The following ANKFN1 variants were observed in gnomAD, a reference collection of about 807,000 sequenced individuals.
The protein encoded by ANKFN1 is ankyrin repeat and fibronectin type-III domain-containing protein 1.
In ANKFN1, 74 loss-of-function variants were observed where a neutral mutation model predicts 108.7. The ratio of observed to expected loss-of-function variants is 0.68; its 90% confidence interval spans 0.56 to 0.83. The LOEUF is 0.83. Ranked by LOEUF, ANKFN1 falls within the 40% of genes least tolerant of loss-of-function variation. The pLI, the probability that ANKFN1 is intolerant of heterozygous loss-of-function variation, is 0.00. For synonymous variants in ANKFN1, 547 were observed against 516.2 expected (o/e 1.06, Z -0.81); for missense variants, 1,505 against 1,382.3 (o/e 1.09, Z -1.41).
At position 56,055,566 on chromosome 17, in the gene ANKFN1, C is replaced by CACATATATATAT. The variant is rs1555588767; in HGVS notation, c.288+9242_288+9243insCATATATATATA. Among the ~76,000 whole-genome samples the CACATATATATAT allele has an allele frequency of 2.1e-4, 10 of 47,454 alleles. 1 individual carries two copies. Among genetic ancestry groups the CACATATATATAT allele is most frequent in the African/African-American group, 1.3e-3 (10 of 7,574 alleles). The allele number at this position is 47,454 out of a possible 152,430, so 31.1% of individuals were successfully genotyped here. A position where few individuals can be genotyped will look rare whatever the true frequency, so the allele number is the denominator to read the frequency against. On this transcript the variant is annotated intron_variant, in intron 4 of 12. Coordinates refer to the ANKFN1 transcript ENST00000635860. ...TATATGTGTGTGTGTGGTATATATA[C>CACATATATATAT]ATATATATATATATATATATATGTA...
chr17:56,176,058 G>C lies in ANKFN1; in HGVS notation c.-71+22528G>C, dbSNP rs560070533. On this transcript the variant is annotated intron_variant, in intron 1 of 20. Transcript: ENST00000682825. ...GATTTTTGCAGAGTGTGACATGAAG[G>C]GGGGTACTGGGAGGGGAGGATTGTT... Among the ~76,000 whole-genome samples the C allele has an allele frequency of 2.4e-4, 36 of 152,110 alleles. 1 individual carries two copies. Among genetic ancestry groups the C allele is most frequent in the African/African-American group, 6.5e-4 (27 of 41,488 alleles).
chr17:56,170,807 T>TACACACACACACACACACACACACACAC (rs112596144), intron 1 of ANKFN1, among the ~76,000 whole-genome samples: 5 of 61,456 alleles, frequency 8.1e-5, no homozygotes, highest in Admixed American at 2.1e-4. Flanking sequence ...TATATATATA[T>TACACACACACACACACACACACACACAC]ACACACACAC....
chr17:56,316,531 T>G (rs1294989564), intron 3 of ANKFN1, among the ~76,000 whole-genome samples: 1 of 152,164 alleles, frequency 6.6e-6, no homozygotes, highest in Non-Finnish European at 1.5e-5. Context: ...TAGAGATTTA[T>G]TCATTTAGCA....
In ANKFN1 at chr17:56,513,673, C is replaced by G. The variant is rs2051838994; in HGVS notation, c.*2404C>G. On this transcript the variant is annotated 3_prime_UTR_variant, in exon 21 of 21. Transcript: ENST00000682825. ...CATTTGGTCAGTAAGTTCTGGCATACTGGACCAAAACTGCATTAATTTTAA... is the reference window on the plus strand; with the variant it reads ...CATTTGGTCAGTAAGTTCTGGCATAGTGGACCAAAACTGCATTAATTTTAA... Among the ~76,000 whole-genome samples, 6 of 152,304 alleles carry G rather than the reference C, an allele frequency of 3.9e-5. No individual in the cohort carries two copies. In the South Asian group the frequency reaches 1.0e-3, roughly 26 times the overall value.
rs564628151 is a variant in ANKFN1, at chr17:56,248,803, G to A, written c.53+20846G>A. Among the ~76,000 whole-genome samples the A allele has an allele frequency of 5.9e-5, 9 of 152,288 alleles. No individual in the cohort carries two copies. The South Asian group carries it at 1.7e-3, about 28-fold the overall frequency. ...GGTTTCCCCAGAAGCAGATCCTAGG[G>A]GAAGGATGAAAGTACATGTGGTTTA... On this transcript the variant is annotated intron_variant, in intron 3 of 20. Coordinates refer to ENST00000682825, the MANE Select transcript of ANKFN1 (RefSeq NM_001370326.1).
At chr17:56,139,532 T>C (rs1279208478) in intron 4 of ANKFN1, among the ~76,000 whole-genome samples, 2 of 152,132 alleles carry the variant, frequency 1.3e-5, no homozygotes, top group East Asian at 1.9e-4. Context: ...CAAATTTGGA[T>C]TTGAGCCCAT....
At chr17:56,294,710 G>A (rs935134948) in intron 3 of ANKFN1, among the ~76,000 whole-genome samples, 1 of 152,180 alleles carries the variant, frequency 6.6e-6, no homozygotes. Context: ...GCCCAAGTCT[G>A]GCAGAAATAG....
chr17:56,259,631 G>A (rs1190144756), intron 3 of ANKFN1, among the ~76,000 whole-genome samples: 2 of 152,088 alleles, frequency 1.3e-5, no homozygotes, highest in Non-Finnish European at 2.9e-5. Context: ...AAAAAAGAGA[G>A]TGAAGTTCAC....
At chr17:56,392,375 G>A (rs1345183004) in intron 8 of ANKFN1, among the ~76,000 whole-genome samples, 1 of 152,158 alleles carries the variant, frequency 6.6e-6, no homozygotes, top group Admixed American at 6.5e-5. Flanking sequence ...TCCTGTTCAC[G>A]ATGGCAAGCC....
intron 3 of ANKFN1, among the ~76,000 whole-genome samples, chr17:56,315,647 T>G (rs2045182475): frequency 6.6e-6 from 1 of 152,142 alleles, no homozygotes; most frequent in African/African-American, 2.4e-5. Context: ...AGAATGACAT[T>G]GAGTATTTGG....
At chr17:56,231,360 C>T (rs1916720549) in intron 3 of ANKFN1, among the ~76,000 whole-genome samples, 1 of 152,164 alleles carries the variant, frequency 6.6e-6, no homozygotes, top group South Asian at 2.1e-4. Context: ...TTCCCTATGG[C>T]TTTAATGCCC....
intron 1 of ANKFN1, among the ~76,000 whole-genome samples, chr17:56,154,850 A>T (rs1178109739): frequency 2.0e-5 from 3 of 152,156 alleles, no homozygotes. Context: ...CATGAAGTGT[A>T]GAGCTAGGAC....
intron 4 of ANKFN1, among the ~76,000 whole-genome samples, chr17:56,102,632 T>A (rs1204721816): frequency 4.9e-5 from 1 of 20,262 alleles, no homozygotes; most frequent in Non-Finnish European, 8.7e-5. Flanking sequence ...TTCCTAGCCT[T>A]TTTTTTTTTT....
chr17:56,409,983 A>T (rs998344683), intron 8 of ANKFN1, among the ~76,000 whole-genome samples: 118 of 152,216 alleles, frequency 7.8e-4, no homozygotes, highest in East Asian at 2.5e-3. Flanking sequence ...TAATTTTTTT[A>T]AAAAAACTGA....
At chr17:56,062,150 A>G (rs1904985398) in intron 4 of ANKFN1, among the ~76,000 whole-genome samples, 2 of 152,186 alleles carry the variant, frequency 1.3e-5, no homozygotes, top group African/African-American at 4.8e-5. Context: ...TTTACTTCCA[A>G]TTATGTGGTC....
Position 56,119,660 on chromosome 17 carries a change from G to A in ANKFN1, c.288+73335G>A, listed in dbSNP as rs55758028. 6.2e-3 allele frequency among the ~76,000 whole-genome samples: 949 copies of A among 152,262 alleles called. 5 individuals carry two copies. The highest frequency in any genetic ancestry group is 0.012 in the South Asian group (58 of 4,816). On this transcript the variant is annotated intron_variant, in intron 4 of 12. Coordinates refer to the ANKFN1 transcript ENST00000635860. ...GAATTAAGTGAAGTATGAAAGTAATGATTTATGTTCCAAGTTCAATTATAC... is the reference window on the plus strand; with the variant it reads ...GAATTAAGTGAAGTATGAAAGTAATAATTTATGTTCCAAGTTCAATTATAC...
chr17:56,055,571 A>ATATATATATATATC (rs1904857462), intron 4 of ANKFN1, among the ~76,000 whole-genome samples: 1 of 101,804 alleles, frequency 9.8e-6, no homozygotes, highest in Non-Finnish European at 1.9e-5. Flanking sequence ...ATATACATAT[A>ATATATATATATATC]TATATATATA....
Position 56,481,137 on chromosome 17 carries a change from G to A in ANKFN1, c.2091+319G>A, listed in dbSNP as rs111973770. 1.2e-4 allele frequency among the ~76,000 whole-genome samples: 18 copies of A among 150,076 alleles called. 2 individuals are homozygous for A. The highest frequency in any genetic ancestry group is 4.4e-4 in the African/African-American group (18 of 40,612). ...CTAGTCTACCTTAAAAGACAACCAG[G>A]CTCAGCTTCAAGATAGCATAAAGCA... On this transcript the variant is annotated intron_variant, in intron 17 of 20. Transcript: ENST00000682825.
At chr17:56,415,301 G>A (rs961720293) in intron 8 of ANKFN1, among the ~76,000 whole-genome samples, 6 of 152,096 alleles carry the variant, frequency 3.9e-5, no homozygotes, top group Non-Finnish European at 8.8e-5. Flanking sequence ...CTTATATTTG[G>A]TAAAACCTAA....
Sources: gnomAD v4.1 joint callset for allele counts (sites outside exome capture counted in the v4.1 genomes callset) on GRCh38, gnomAD v4.1.1 for gene constraint, MANE v1.5 for transcripts, NCBI Gene and HGNC (gene_info 2026-07-23, HGNC 2026-07-21) for gene names.